The following EFL1 variants were observed in gnomAD, a reference collection of about 807,000 sequenced individuals.
The protein encoded by EFL1 is elongation factor like GTPase 1.
Under a neutral mutation model 126.7 loss-of-function variants are expected in EFL1, and 76 were observed. The ratio of observed to expected loss-of-function variants is 0.60; its 90% confidence interval spans 0.50 to 0.73. EFL1 has a LOEUF of 0.73. EFL1 is among the 30% of genes least tolerant of loss of function. The probability of loss-of-function intolerance (pLI) is 0.00; values close to 1 mark genes in which losing one functional copy is unlikely to be tolerated. For missense variants in EFL1, 1,128 were observed against 1,343.2 expected (o/e 0.84, Z 2.50); for synonymous variants, 410 against 448.4 (o/e 0.91, Z 1.08).
chr15:82,207,286 GTA>G lies in EFL1; in HGVS notation c.1750+7429_1750+7430del, dbSNP rs752549886. Among the ~76,000 whole-genome samples the G allele has an allele frequency of 2.6e-3, 363 of 139,620 alleles. 2 individuals are homozygous for G. Among genetic ancestry groups the G allele is most frequent in the South Asian group, 6.5e-3 (30 of 4,596 alleles). The allele number at this position is 139,620 out of a possible 152,430, so 91.6% of individuals were successfully genotyped here. A position where few individuals can be genotyped will look rare whatever the true frequency, so the allele number is the denominator to read the frequency against. ...AACATATATATATATTTATGTGTGT[GTA>G]TATATATATATATATATATACACAC... On this transcript the variant is annotated intron_variant, in intron 15 of 19. Transcript: ENST00000268206.
At chr15:82,182,929 C>A (rs541699664) in intron 15 of EFL1, among the ~76,000 whole-genome samples, 4 of 152,056 alleles carry the variant, frequency 2.6e-5, no homozygotes, top group Admixed American at 2.6e-4. Flanking sequence ...TACGAACAAT[C>A]GTGAGGAAAA....
chr15:82,175,530 A>G (rs866161282), intron 15 of EFL1, among the ~76,000 whole-genome samples: 1 of 152,178 alleles, frequency 6.6e-6, no homozygotes. Context: ...ACCATTTTCA[A>G]TATGAATGGG....
intron 15 of EFL1, among the ~76,000 whole-genome samples, chr15:82,172,555 C>T (rs1595958949): frequency 6.6e-6 from 1 of 151,236 alleles, no homozygotes; most frequent in East Asian, 1.9e-4. Context: ...CTGGACAAAC[C>T]TGTTCATAAT....
chr15:82,170,712 A>AT (rs1018087605), intron 15 of EFL1, among the ~76,000 whole-genome samples: 1 of 152,150 alleles, frequency 6.6e-6, no homozygotes, highest in African/African-American at 2.4e-5. Flanking sequence ...TGCATATTTA[A>AT]TTTTTTTGTA....
chr15:82,154,353 T>G (rs758162265), intron 17 of EFL1, among the ~76,000 whole-genome samples: 2 of 152,174 alleles, frequency 1.3e-5, no homozygotes, highest in East Asian at 3.8e-4. Flanking sequence ...GGAGACAATA[T>G]AGTCTCCTTG....
chr15:82,262,097 G>A (rs2075129515), intron 1 of EFL1: 2 of 244,588 alleles, frequency 8.2e-6, no homozygotes, highest in Middle Eastern at 2.8e-3. Context: ...GCCGGTGGAG[G>A]AGTACTCCAG....
intron 1 of EFL1, chr15:82,262,250 T>C (rs2075132006): frequency 6.4e-6 from 1 of 156,718 alleles, no homozygotes; most frequent in African/African-American, 2.4e-5. Context: ...TCGCGCGAGG[T>C]CAAATACCCA....
intron 2 of EFL1, among the ~76,000 whole-genome samples, chr15:82,260,374 C>T (rs2075102718): frequency 6.6e-6 from 1 of 152,190 alleles, no homozygotes; most frequent in South Asian, 2.1e-4. Flanking sequence ...AAGTGATCCA[C>T]TATCTGTCTT....
intron 15 of EFL1, among the ~76,000 whole-genome samples, chr15:82,199,649 A>G (rs191593012): frequency 1.6e-3 from 249 of 152,340 alleles, no homozygotes; most frequent in African/African-American, 5.8e-3. Flanking sequence ...ACTTATTTAA[A>G]TTCACACACA....
Position 82,259,120 on chromosome 15 carries a change from T to C in EFL1, c.127A>G (p.Asn43Asp), listed in dbSNP as rs1189980298. Residue 43 changes from asparagine to aspartate, a missense_variant, in exon 3 of 20, where the codon AAT becomes GAT. Asn to Asp is a conservative substitution (Grantham distance 23). This residue lies in a region of EFL1 where 118 missense variants were observed against 188.1 expected (regional missense o/e 0.63). Transcript: ENST00000268206. The stretch of plus-strand genomic sequence containing the variant: ...GCTAGGCGGCTGGAGATGATTCCAT[T>C]GCTAGATATAAGACAGTCAGCCAGA... ...TTLADCLISS[N>D]GIISSRLAGK... 6.2e-7 allele frequency: 1 copy of C among 1,613,978 alleles called. No individual in the cohort carries two copies. Among genetic ancestry groups the C allele is most frequent in the African/African-American group, 1.3e-5 (1 of 74,940 alleles).
chr15:82,195,423 A>G (rs1250444354), intron 15 of EFL1, among the ~76,000 whole-genome samples: 1 of 152,168 alleles, frequency 6.6e-6, no homozygotes, highest in Non-Finnish European at 1.5e-5. Flanking sequence ...CACACACCCA[A>G]CCTCGTTGCC....
chr15:82,177,385 C>T (rs1171734427), intron 15 of EFL1, among the ~76,000 whole-genome samples: 2 of 152,154 alleles, frequency 1.3e-5, no homozygotes, highest in East Asian at 3.8e-4. Context: ...TGGTTCATCT[C>T]CTTGTATCTT....
intron 16 of EFL1, among the ~76,000 whole-genome samples, chr15:82,161,276 G>A (rs1019103311): frequency 2.0e-5 from 3 of 152,142 alleles, no homozygotes; most frequent in African/African-American, 7.2e-5. Flanking sequence ...TTACTGCAAA[G>A]TCTTTTAAGA....
At chr15:82,230,809 A>C in intron 8 of EFL1, 39 bp downstream of exon 8, 1 of 1,576,782 alleles carries the variant, frequency 6.3e-7, no homozygotes, top group Non-Finnish European at 8.6e-7. Flanking sequence ...ATAGGGCAAG[A>C]ATATGACCAA....
chr15:82,200,567 C>T (rs776621677), intron 15 of EFL1, among the ~76,000 whole-genome samples: 11 of 135,214 alleles, frequency 8.1e-5, no homozygotes, highest in African/African-American at 3.2e-5. Context: ...CTTCTCTTAA[C>T]ATCAAATGGC....
chr15:82,216,460 G>C (rs1452494114), intron 14 of EFL1, among the ~76,000 whole-genome samples: 1 of 152,098 alleles, frequency 6.6e-6, no homozygotes, highest in African/African-American at 2.4e-5. Context: ...TGGTCTTTTT[G>C]ATGTCAAAAC....
intron 15 of EFL1, among the ~76,000 whole-genome samples, chr15:82,200,287 A>AT (rs1186768291): frequency 6.6e-6 from 1 of 152,140 alleles, no homozygotes; most frequent in Non-Finnish European, 1.5e-5. Flanking sequence ...AAATAAGAGA[A>AT]TTTTTTTAAA....
chr15:82,256,028 T>A (rs542180252), intron 3 of EFL1, among the ~76,000 whole-genome samples: 14 of 152,370 alleles, frequency 9.2e-5, no homozygotes, highest in South Asian at 2.1e-4. Flanking sequence ...TTTTTAAATG[T>A]CATTTAAAAA....
At chr15:82,179,098 C>T (rs1397010993) in intron 15 of EFL1, among the ~76,000 whole-genome samples, 1 of 152,100 alleles carries the variant, frequency 6.6e-6, no homozygotes, top group Non-Finnish European at 1.5e-5. Context: ...AAACTATGAT[C>T]GTGCCACCGC....
Sources: gnomAD v4.1 joint callset for allele counts (sites outside exome capture counted in the v4.1 genomes callset) on GRCh38, gnomAD v4.1.1 for gene constraint, gnomAD v4.1.1 regional missense constraint, MANE v1.5 for transcripts, NCBI Gene and HGNC (gene_info 2026-07-23, HGNC 2026-07-21) for gene names.